The following PAM variants were observed in gnomAD, a reference collection of about 807,000 sequenced individuals.
PAM encodes the protein peptidyl-glycine alpha-amidating monooxygenase.
Under a neutral mutation model 122.1 loss-of-function variants are expected in PAM, and 72 were observed. The observed-to-expected ratio is 0.59, with a 90% confidence interval of 0.49 to 0.72. PAM has a LOEUF of 0.72. Ranked by LOEUF, PAM falls within the 30% of genes least tolerant of loss-of-function variation. The pLI is 0.00. For synonymous variants in PAM, 389 were observed against 404.4 expected (o/e 0.96, Z 0.46); for missense variants, 1,106 against 1,183.7 (o/e 0.93, Z 0.96).
intron 15 of PAM, among the ~76,000 whole-genome samples, chr5:102,983,333 A>C (rs10463555): frequency 0.35 from 52,166 of 150,954 alleles, 9,279 homozygotes; most frequent in East Asian, 0.43. Context: ...GCGTATAATT[A>C]CAGCTACTCG....
chr5:102,841,658 A>C (rs373077769), intron 1 of PAM, among the ~76,000 whole-genome samples: 2 of 152,186 alleles, frequency 1.3e-5, no homozygotes, highest in East Asian at 3.8e-4. Context: ...GAGTTGCAAA[A>C]ATATAGAGCA....
At chr5:102,850,883 G>A (rs967020807) in intron 1 of PAM, among the ~76,000 whole-genome samples, 1 of 152,178 alleles carries the variant, frequency 6.6e-6, no homozygotes, top group African/African-American at 2.4e-5. Flanking sequence ...AGAAAAAAGA[G>A]CAGGAGTAAC....
At chr5:102,770,240 T>A (rs940214063) in intron 1 of PAM, among the ~76,000 whole-genome samples, 3 of 152,150 alleles carry the variant, frequency 2.0e-5, no homozygotes, top group Non-Finnish European at 4.4e-5. Context: ...TTACTGAATT[T>A]GTTTATTAGA....
chr5:103,000,940 A>G (rs1036965545), intron 16 of PAM, among the ~76,000 whole-genome samples: 3 of 152,162 alleles, frequency 2.0e-5, no homozygotes, highest in African/African-American at 7.2e-5. Context: ...TCAGTACTCT[A>G]CATAAATAGG....
At chr5:102,936,535 T>C (rs1035620914) in intron 7 of PAM, among the ~76,000 whole-genome samples, 2 of 152,118 alleles carry the variant, frequency 1.3e-5, no homozygotes, top group African/African-American at 2.4e-5. Flanking sequence ...ACAAAAATAT[T>C]AACAAGCATT....
rs377335445 is a variant in PAM at position 102,949,631 on chromosome 5, A to G, written c.724+14A>G. 81 of 1,175,162 alleles carry G rather than the reference A, an allele frequency of 6.9e-5. No individual in the cohort carries two copies. The highest frequency in any genetic ancestry group is 9.8e-5 in the Non-Finnish European group (77 of 783,762). The allele number at this position is 1,175,162 out of a possible 1,614,324, so 72.8% of individuals were successfully genotyped here. On this transcript the variant is annotated intron_variant, in intron 10 of 25. Coordinates refer to ENST00000438793, the MANE Select transcript of PAM (RefSeq NM_001177306.2). ...CTCACCATTTAGGTAAGAACTTTACATGTTAAATTATAAATATTTACCATT... is the reference window on the plus strand; with the variant it reads ...CTCACCATTTAGGTAAGAACTTTACGTGTTAAATTATAAATATTTACCATT...
At chr5:102,769,478 A>G (rs1755117369) in intron 1 of PAM, among the ~76,000 whole-genome samples, 1 of 152,072 alleles carries the variant, frequency 6.6e-6, no homozygotes, top group Non-Finnish European at 1.5e-5. Context: ...GAAGTTTCAT[A>G]GTTTGAGGTC....
intron 3 of PAM, among the ~76,000 whole-genome samples, chr5:102,898,944 T>C (rs572823727): frequency 1.0e-3 from 154 of 151,746 alleles, no homozygotes; most frequent in African/African-American, 3.7e-3. Context: ...TAAAATGGTG[T>C]CTGTAATACC....
At chr5:102,833,823 G>A (rs367948590) in intron 1 of PAM, among the ~76,000 whole-genome samples, 8 of 152,044 alleles carry the variant, frequency 5.3e-5, no homozygotes, top group African/African-American at 1.9e-4. Context: ...TCCCCAGGAA[G>A]CCACATTTTC....
rs182524026 is a variant in PAM, at chr5:102,844,792, G to A, written c.-373-21031G>A. ...TTGTCCAGGGTTCCACAGCTTATGA[G>A]TAGCAGAGCTTAGATATAAACTAAG... On this transcript the variant is annotated intron_variant, in intron 1 of 25. Transcript: ENST00000438793. 3.8e-4 allele frequency among the ~76,000 whole-genome samples: 58 copies of A among 152,302 alleles called. 4 individuals carry two copies. The highest frequency in any genetic ancestry group is 1.4e-3 in the African/African-American group (57 of 41,576).
intron 1 of PAM, among the ~76,000 whole-genome samples, chr5:102,787,200 A>C (rs1408550359): frequency 2.6e-5 from 4 of 152,102 alleles, no homozygotes; most frequent in Non-Finnish European, 5.9e-5. Flanking sequence ...AATCTATTTC[A>C]AGTGGGGTTG....
chr5:102,909,442 T>C (rs1800713421), intron 4 of PAM, among the ~76,000 whole-genome samples: 1 of 151,890 alleles, frequency 6.6e-6, no homozygotes, highest in Admixed American at 6.6e-5. Context: ...TAAAGGAGCA[T>C]TACAATCCCA....
chr5:102,929,563 T>C (rs1750726357), intron 7 of PAM, among the ~76,000 whole-genome samples: 1 of 152,202 alleles, frequency 6.6e-6, no homozygotes, highest in South Asian at 2.1e-4. Flanking sequence ...TAGGAAATTA[T>C]TATATTCTAC....
intron 22 of PAM, 146 bp from the exon 23 acceptor site, chr5:103,019,644 T>A: frequency 1.6e-6 from 1 of 623,018 alleles, no homozygotes; most frequent in Non-Finnish European, 2.9e-6. Flanking sequence ...AATTAGTGGT[T>A]TGTATTGAAC....
chr5:102,932,524 A>G (rs937495407), intron 7 of PAM, among the ~76,000 whole-genome samples: 1 of 149,734 alleles, frequency 6.7e-6, no homozygotes, highest in African/African-American at 2.4e-5. Context: ...ATATGTATAT[A>G]TTATACATAC....
intron 14 of PAM, among the ~76,000 whole-genome samples, chr5:102,969,344 G>A (rs1437953797): frequency 6.6e-6 from 1 of 151,904 alleles, no homozygotes; most frequent in Non-Finnish European, 1.5e-5. Flanking sequence ...GGAAAAGGTA[G>A]CTATGGGGAT....
intron 14 of PAM, among the ~76,000 whole-genome samples, chr5:102,971,838 A>G (rs1466454934): frequency 6.6e-6 from 1 of 152,176 alleles, no homozygotes; most frequent in Non-Finnish European, 1.5e-5. Flanking sequence ...TATCTAGTAC[A>G]CTAGAAGAGG....
At chr5:102,996,123 G>C (rs1219665131) in intron 16 of PAM, among the ~76,000 whole-genome samples, 1 of 152,052 alleles carries the variant, frequency 6.6e-6, no homozygotes, top group Non-Finnish European at 1.5e-5. Context: ...TTTCTTCCCA[G>C]CCTTATCTAA....
chr5:102,759,669 C>T (rs183541756), intron 1 of PAM, among the ~76,000 whole-genome samples: 158 of 152,242 alleles, frequency 1.0e-3, no homozygotes, highest in Non-Finnish European at 2.0e-3. Flanking sequence ...CTAGGGCCAC[C>T]ACTTTATGAC....
Sources: gnomAD v4.1 joint callset for allele counts (sites outside exome capture counted in the v4.1 genomes callset) on GRCh38, gnomAD v4.1.1 for gene constraint, MANE v1.5 for transcripts, NCBI Gene and HGNC (gene_info 2026-07-23, HGNC 2026-07-21) for gene names.